MARK2: variants seen among roughly 807,000 people sequenced by gnomAD.
MARK2 encodes the protein serine/threonine-protein kinase MARK2.
In MARK2, 16 loss-of-function variants were observed where a neutral mutation model predicts 89.8. That is an observed-to-expected ratio of 0.18 (90% CI 0.12 to 0.27). The LOEUF (loss-of-function observed/expected upper bound fraction) is 0.27. Ranked by LOEUF, MARK2 falls within the 10% of genes least tolerant of loss-of-function variation. The pLI, the probability that MARK2 is intolerant of heterozygous loss-of-function variation, is 1.00. For synonymous variants in MARK2, 382 were observed against 399.5 expected (o/e 0.96, Z 0.52); for missense variants, 621 against 1,049.9 (o/e 0.59, Z 5.65).
chr11:63,886,706 G>A (rs1425250938), intron 1 of MARK2, among the ~76,000 whole-genome samples: 1 of 152,158 alleles, frequency 6.6e-6, no homozygotes. Flanking sequence ...TTACATGGTG[G>A]GGGCCACCAT....
intron 1 of MARK2, among the ~76,000 whole-genome samples, chr11:63,871,098 TTGTGTGTGTGTATATGCATATTTG>T (rs1938419957): frequency 6.6e-6 from 1 of 152,062 alleles, no homozygotes; most frequent in African/African-American, 2.4e-5. Flanking sequence ...TCAGTTATGT[TTGTGTGTGTGTATATGCATATTTG>T]TGTGTGTGTG....
At chr11:63,876,320 C>T (rs1237799899) in intron 1 of MARK2, among the ~76,000 whole-genome samples, 1 of 152,152 alleles carries the variant, frequency 6.6e-6, no homozygotes, top group Non-Finnish European at 1.5e-5. Flanking sequence ...GCTTTGAGTA[C>T]AGAAGTTCAA....
intron 1 of MARK2, among the ~76,000 whole-genome samples, chr11:63,859,637 C>CTTTTT (rs897753184): frequency 7.0e-6 from 1 of 142,800 alleles, no homozygotes. Context: ...TTCTATCTTT[C>CTTTTT]TTTTTTTTTT....
At chr11:63,871,837 G>A (rs986860768) in intron 1 of MARK2, among the ~76,000 whole-genome samples, 5 of 146,846 alleles carry the variant, frequency 3.4e-5, no homozygotes, top group Admixed American at 1.4e-4. Flanking sequence ...CTGTGTGCAG[G>A]TGTGGGTGAA....
At chr11:63,861,800 G>C (rs1461262672) in intron 1 of MARK2, among the ~76,000 whole-genome samples, 1 of 147,328 alleles carries the variant, frequency 6.8e-6, no homozygotes, top group Non-Finnish European at 1.5e-5. Context: ...AGAGTGCAAC[G>C]GCACGACCTT....
At chr11:63,891,592 T>C (rs899058921) in intron 1 of MARK2, among the ~76,000 whole-genome samples, 2 of 152,232 alleles carry the variant, frequency 1.3e-5, no homozygotes, top group African/African-American at 4.8e-5. Context: ...CTGGTCTGGA[T>C]TTTGAGAACT....
chr11:63,878,359 C>CTTTTTTTTTTTTTT (rs59251368), intron 1 of MARK2, among the ~76,000 whole-genome samples: 1 of 72,712 alleles, frequency 1.4e-5, no homozygotes, highest in Admixed American at 2.0e-4. Flanking sequence ...TTGTTCAAGT[C>CTTTTTTTTTTTTTT]TTTTTTTTTT....
At chr11:63,894,044 G>A (rs1377785519) in intron 1 of MARK2, among the ~76,000 whole-genome samples, 1 of 152,218 alleles carries the variant, frequency 6.6e-6, no homozygotes, top group Non-Finnish European at 1.5e-5. Flanking sequence ...GCTGGTAGTT[G>A]TAGCTTCTGC....
intron 1 of MARK2, among the ~76,000 whole-genome samples, chr11:63,867,202 G>GT (rs1449689899): frequency 6.6e-6 from 1 of 152,102 alleles, no homozygotes; most frequent in Non-Finnish European, 1.5e-5. Context: ...AATGTTTTGC[G>GT]TTTTTTGTAG....
chr11:63,892,079 G>C (rs901232210), intron 1 of MARK2, among the ~76,000 whole-genome samples: 2 of 152,258 alleles, frequency 1.3e-5, no homozygotes, highest in Non-Finnish European at 2.9e-5. Context: ...GAGCACCAGA[G>C]AGCTCTGTGG....
chr11:63,908,990 C>A lies in MARK2; in HGVS notation c.2120C>A (p.Pro707His). ...WSMKTTSSMEPNEMMREIRKV... is the reference protein window; with the variant it reads ...WSMKTTSSMEHNEMMREIRKV... ...ATGAAGACCACGAGCTCCATGGAGC[C>A]CAACGAGATGATGCGGGAGATCCGC... The change falls in exon 19 of 19, where the codon CCC becomes CAC. Residue 707 changes from proline to histidine, a missense_variant. Physicochemically the swap from Pro to His is moderately conservative, Grantham distance 77. Around this residue, in one of 5 missense-constraint regions of MARK2, gnomAD observed 49 missense variants for 46.7 expected, o/e 1.05. Transcript: ENST00000402010. 2 of 1,577,802 alleles carry A rather than the reference C, an allele frequency of 1.3e-6. No individual in the cohort carries two copies. Among genetic ancestry groups the A allele is most frequent in the Non-Finnish European group, 1.7e-6 (2 of 1,152,190 alleles).
At chr11:63,869,900 T>C (rs546418484) in intron 1 of MARK2, among the ~76,000 whole-genome samples, 59 of 151,866 alleles carry the variant, frequency 3.9e-4, no homozygotes, top group Middle Eastern at 3.4e-3. Flanking sequence ...CACTGAGGGC[T>C]GTCGCATCCA....
chr11:63,894,704 T>A (rs1007567877), intron 1 of MARK2, among the ~76,000 whole-genome samples: 4 of 152,104 alleles, frequency 2.6e-5, no homozygotes, highest in Admixed American at 1.3e-4. Context: ...CTCAAAAAAA[T>A]AAATAAATAA....
At chr11:63,849,273 G>A (rs1238136619) in intron 1 of MARK2, among the ~76,000 whole-genome samples, 1 of 152,208 alleles carries the variant, frequency 6.6e-6, no homozygotes, top group Non-Finnish European at 1.5e-5. Context: ...GGAGATTGTT[G>A]CTTTGTCTTT....
At position 63,908,322 on chromosome 11, in the gene MARK2, A is replaced by G; in HGVS notation, c.2006+18A>G. The G allele has an allele frequency of 6.4e-7, 1 of 1,555,658 alleles. No homozygotes were observed. On this transcript the variant is annotated intron_variant, in intron 18 of 18. Coordinates refer to ENST00000402010, the MANE Select transcript of MARK2 (RefSeq NM_001039469.3). ...ACGCTCAGGTGAGAGGGCTGGAGCCAGCACTGGCCCTGCCCGGGCCACCGG... is the reference window on the plus strand; with the variant it reads ...ACGCTCAGGTGAGAGGGCTGGAGCCGGCACTGGCCCTGCCCGGGCCACCGG...
At chr11:63,848,110 TAGGAA>T (rs2016373072) in intron 1 of MARK2, among the ~76,000 whole-genome samples, 1 of 152,188 alleles carries the variant, frequency 6.6e-6, no homozygotes, top group Non-Finnish European at 1.5e-5. Flanking sequence ...GCAATAGCAC[TAGGAA>T]GTCTTTCTCA....
At chr11:63,898,211 C>G in intron 3 of MARK2, 21 bp from the exon 4 acceptor site, 3 of 1,611,460 alleles carry the variant, frequency 1.9e-6, no homozygotes, top group Non-Finnish European at 2.5e-6. Flanking sequence ...CAGGCATGAC[C>G]CCTGGTATTT....
chr11:63,886,108 A>G (rs1939382028), intron 1 of MARK2, among the ~76,000 whole-genome samples: 1 of 151,734 alleles, frequency 6.6e-6, no homozygotes, highest in Admixed American at 6.6e-5. Context: ...CAACCTGGGC[A>G]ACAGAGTGAG....
chr11:63,888,758 C>T (rs1939574054), intron 1 of MARK2: 5 of 1,219,134 alleles, frequency 4.1e-6, no homozygotes, highest in Non-Finnish European at 5.2e-6. Context: ...AACCGCTCGG[C>T]CTGGCTGCTT....
Sources: allele counts gnomAD v4.1 joint callset (sites outside exome capture counted in the v4.1 genomes callset), GRCh38; gene constraint gnomAD v4.1.1; regional missense constraint gnomAD v4.1.1; transcripts MANE v1.5; gene names NCBI Gene and HGNC (gene_info 2026-07-23, HGNC 2026-07-21).